Variants in PPP2R2C observed in about 807,000 individuals in gnomAD.
PPP2R2C encodes the protein protein phosphatase 2, regulatory subunit B, gamma.
In PPP2R2C, 10 loss-of-function variants were observed where a neutral mutation model predicts 45.3. The ratio of observed to expected loss-of-function variants is 0.22; its 90% CI spans 0.14 to 0.37. The LOEUF (loss-of-function observed/expected upper bound fraction) is 0.37. Ranked by LOEUF, PPP2R2C falls within the 10% of genes least tolerant of loss-of-function variation. PPP2R2C has a pLI of 1.00. For synonymous variants in PPP2R2C, 257 were observed against 245.4 expected (o/e 1.05, Z -0.44); for missense variants, 308 against 619.7 (o/e 0.50, Z 5.34).
In PPP2R2C at chr4:6,406,874, T is replaced by C. The variant is rs530976919; in HGVS notation, c.71-25780A>G. 9.2e-5 allele frequency among the ~76,000 whole-genome samples: 14 copies of C among 152,342 alleles called. No homozygotes were observed. The East Asian group carries it at 2.1e-3, about 23-fold the overall frequency. On this transcript the variant is annotated intron_variant, in intron 1 of 8. Coordinates refer to ENST00000382599, the MANE Select transcript of PPP2R2C (RefSeq NM_020416.4). ...GGAAAAAGGGTCTTTGAAGACATAA[T>C]TAAGGATTCTGAGATGAGAAGATCA... is the stretch of plus-strand genomic sequence containing the variant.
intron 1 of PPP2R2C, among the ~76,000 whole-genome samples, chr4:6,559,260 C>T (rs1244668633): frequency 1.3e-5 from 2 of 152,168 alleles, no homozygotes; most frequent in African/African-American, 2.4e-5. Flanking sequence ...TCTGTAAAAC[C>T]GGGGGCAGTG....
At chr4:6,336,640 C>CCTCT (rs1215382605) in intron 6 of PPP2R2C, among the ~76,000 whole-genome samples, 2 of 12,008 alleles carry the variant, frequency 1.7e-4, no homozygotes, top group African/African-American at 1.2e-3. Context: ...TACTTCCCTC[C>CCTCT]CTCCCTCCCT....
intron 1 of PPP2R2C, among the ~76,000 whole-genome samples, chr4:6,448,257 C>G (rs769367045): frequency 2.0e-5 from 3 of 152,172 alleles, no homozygotes; most frequent in Non-Finnish European, 4.4e-5. Flanking sequence ...CCCTGCTTTA[C>G]TGATGGGTAC....
chr4:6,485,551 T>C (rs1011523951), intron 2 of PPP2R2C, among the ~76,000 whole-genome samples: 3 of 151,980 alleles, frequency 2.0e-5, no homozygotes, highest in Non-Finnish European at 4.4e-5. Context: ...TACTCAATAG[T>C]TATAGGACTA....
chr4:6,339,909 A>G (rs931790974), intron 6 of PPP2R2C, among the ~76,000 whole-genome samples: 1 of 152,146 alleles, frequency 6.6e-6, no homozygotes, highest in Non-Finnish European at 1.5e-5. Flanking sequence ...AGGGTCCGAG[A>G]AGCAGAAGAA....
intron 1 of PPP2R2C, chr4:6,384,910 G>T: frequency 1.1e-6 from 1 of 927,922 alleles, no homozygotes; most frequent in Non-Finnish European, 1.3e-6. Flanking sequence ...TGTGGTCTTG[G>T]GTAAGCCACA....
intron 2 of PPP2R2C, among the ~76,000 whole-genome samples, chr4:6,500,549 T>C (rs1407949121): frequency 6.6e-6 from 1 of 152,172 alleles, no homozygotes; most frequent in African/African-American, 2.4e-5. Context: ...CCTACCATCA[T>C]TTGGAAGGGG....
intron 2 of PPP2R2C, among the ~76,000 whole-genome samples, chr4:6,519,871 G>A (rs191698666): frequency 1.6e-4 from 24 of 151,392 alleles, no homozygotes; most frequent in Non-Finnish European, 2.9e-4. Flanking sequence ...GGAGGAGACA[G>A]AGTGGCCTGA....
At chr4:6,414,181 CCTGG>C in intron 1 of PPP2R2C, 1 of 765,678 alleles carries the variant, frequency 1.3e-6, no homozygotes. Context: ...TTTTCCTCCT[CCTGG>C]CTGGAGCTAG....
intron 5 of PPP2R2C, chr4:6,350,532 T>G (rs1293667561): frequency 1.0e-6 from 1 of 985,176 alleles, no homozygotes; most frequent in Non-Finnish European, 1.2e-6. Flanking sequence ...GGAGTTCTGT[T>G]TGCGTCATCA....
chr4:6,388,513 T>C (rs1449064233), intron 1 of PPP2R2C, among the ~76,000 whole-genome samples: 1 of 152,012 alleles, frequency 6.6e-6, no homozygotes, highest in Non-Finnish European at 1.5e-5. Flanking sequence ...TAAGGACTGG[T>C]ATCCTGATAA....
chr4:6,438,403 C>A (rs139043130), intron 1 of PPP2R2C, among the ~76,000 whole-genome samples: 2 of 152,184 alleles, frequency 1.3e-5, no homozygotes, highest in Admixed American at 6.5e-5. Context: ...TCATTCCCTG[C>A]GCACCTACCT....
At position 6,472,363 on chromosome 4, in the gene PPP2R2C, G is replaced by C. The variant is rs1451029611; in HGVS notation, c.-134C>G. The C allele has an allele frequency of 2.6e-6, 3 of 1,154,736 alleles. No homozygotes were observed. The highest frequency in any genetic ancestry group is 4.9e-5 in the Admixed American group (1 of 20,382). The allele number at this position is 1,154,736 out of a possible 1,614,324, so 71.5% of individuals were successfully genotyped here. On this transcript the variant is annotated 5_prime_UTR_variant, in exon 1 of 9. Transcript: ENST00000382599. The stretch of plus-strand genomic sequence containing the variant: ...CGGGCCGCCGGGGCCCCGAAGGGAG[G>C]GCATCGCGGCAGGGGGACGGGCGGG...
intron 1 of PPP2R2C, among the ~76,000 whole-genome samples, chr4:6,400,576 T>C (rs1338487789): frequency 1.3e-5 from 2 of 152,146 alleles, no homozygotes; most frequent in South Asian, 2.1e-4. Context: ...TAAAAGTACA[T>C]TGGGTGATTT....
intron 1 of PPP2R2C, among the ~76,000 whole-genome samples, chr4:6,562,605 G>C (rs745325066): frequency 6.6e-6 from 1 of 152,146 alleles, no homozygotes; most frequent in Non-Finnish European, 1.5e-5. Context: ...CTGAAGGGAG[G>C]AGGGAAGAAA....
chr4:6,431,436 G>T (rs1719617188), intron 1 of PPP2R2C, among the ~76,000 whole-genome samples: 1 of 152,232 alleles, frequency 6.6e-6, no homozygotes, highest in African/African-American at 2.4e-5. Context: ...GGAGAAAGCT[G>T]CTCAGGCTGA....
intron 1 of PPP2R2C, chr4:6,384,066 A>T (rs1157286078): frequency 1.0e-6 from 1 of 985,292 alleles, no homozygotes; most frequent in African/African-American, 1.7e-5. Context: ...GAACACGGAA[A>T]CGCCCACCGG....
At chr4:6,377,147 G>A (rs981841939) in intron 3 of PPP2R2C, among the ~76,000 whole-genome samples, 10 of 152,244 alleles carry the variant, frequency 6.6e-5, no homozygotes, top group African/African-American at 2.4e-4. Flanking sequence ...CCATGTTCGG[G>A]AGAGCCTTGG....
At chr4:6,360,686 G>A (rs923410752) in intron 5 of PPP2R2C, among the ~76,000 whole-genome samples, 13 of 152,326 alleles carry the variant, frequency 8.5e-5, no homozygotes, top group African/African-American at 2.2e-4. Flanking sequence ...TCCAAAAGAT[G>A]ACCTGACTAC....
Sources: allele counts gnomAD v4.1 joint callset (sites outside exome capture counted in the v4.1 genomes callset), GRCh38; gene constraint gnomAD v4.1.1; transcripts MANE v1.5; gene names NCBI Gene and HGNC (gene_info 2026-07-23, HGNC 2026-07-21).